The following POU2AF2 variants were observed in gnomAD, a reference collection of about 807,000 sequenced individuals.
POU2AF2 encodes the protein POU domain class 2-associating factor 2.
At chr11:111,285,684 G>T in the POU2AF2 span, 31 of 1,613,160 alleles carry the variant, frequency 1.9e-5, no homozygotes, top group Non-Finnish European at 2.5e-5. Context: ...TTGCCTGACG[G>T]TCTCAGCCAG....
chr11:111,261,160 C>A, the POU2AF2 span, among the ~76,000 whole-genome samples: 1 of 151,856 alleles, frequency 6.6e-6, no homozygotes, highest in East Asian at 1.9e-4. Flanking sequence ...AATGGTTTTT[C>A]TTTTTTCTTT....
the POU2AF2 span, among the ~76,000 whole-genome samples, chr11:111,266,010 C>T: frequency 9.6e-4 from 146 of 152,116 alleles, 1 homozygote; most frequent in Middle Eastern, 0.027. Flanking sequence ...TCAACTGCTC[C>T]CATTCTGTAG....
the POU2AF2 span, among the ~76,000 whole-genome samples, chr11:111,280,078 A>ATATC: frequency 1.5e-5 from 2 of 129,642 alleles, no homozygotes; most frequent in Admixed American, 8.2e-5. Flanking sequence ...ATATATATAT[A>ATATC]TATCTTTTGG....
the POU2AF2 span, among the ~76,000 whole-genome samples, chr11:111,247,590 A>G: frequency 6.6e-6 from 1 of 152,042 alleles, no homozygotes; most frequent in Non-Finnish European, 1.5e-5. Flanking sequence ...GATCGAAACC[A>G]TCCTGGCCAA....
the POU2AF2 span, among the ~76,000 whole-genome samples, chr11:111,280,643 C>T: frequency 6.6e-6 from 1 of 152,166 alleles, no homozygotes; most frequent in African/African-American, 2.4e-5. Context: ...TATGGCAGTG[C>T]TTGTGTTCAA....
the POU2AF2 span, among the ~76,000 whole-genome samples, chr11:111,283,125 A>C: frequency 8.1e-6 from 1 of 122,852 alleles, no homozygotes; most frequent in Admixed American, 1.0e-4. Context: ...TGCAACCTCC[A>C]CCTCCCGGGT....
chr11:111,267,141 C>T, the POU2AF2 span, among the ~76,000 whole-genome samples: 1 of 152,216 alleles, frequency 6.6e-6, no homozygotes, highest in Non-Finnish European at 1.5e-5. Context: ...GATACTCAGA[C>T]ATCTTAGAAG....
the POU2AF2 span, among the ~76,000 whole-genome samples, chr11:111,282,283 G>A: frequency 1.3e-5 from 2 of 152,038 alleles, no homozygotes; most frequent in Admixed American, 6.6e-5. Context: ...AACCTTAACC[G>A]CTCTCATAAA....
At chr11:111,276,358 G>A in the POU2AF2 span, among the ~76,000 whole-genome samples, 1 of 149,810 alleles carries the variant, frequency 6.7e-6, no homozygotes, top group Non-Finnish European at 1.5e-5. Context: ...AGCACTTTGG[G>A]AGGCCAAGGC....
chr11:111,279,673 C>A, the POU2AF2 span, among the ~76,000 whole-genome samples: 1 of 152,116 alleles, frequency 6.6e-6, no homozygotes, highest in African/African-American at 2.4e-5. Context: ...TTTAATATGA[C>A]CTCATCTTAA....
chr11:111,247,923 G>A, the POU2AF2 span, among the ~76,000 whole-genome samples: 6 of 130,950 alleles, frequency 4.6e-5, no homozygotes, highest in Admixed American at 1.8e-4. Context: ...TTGTCGCTCA[G>A]GCTGGAGTGC....
chr11:111,270,071 A>G, the POU2AF2 span, among the ~76,000 whole-genome samples: 1 of 152,242 alleles, frequency 6.6e-6, no homozygotes, highest in Admixed American at 6.5e-5. Context: ...ACAGAATAAG[A>G]GTTAAAGTGA....
At chr11:111,285,203 A>G in the POU2AF2 span, among the ~76,000 whole-genome samples, 1 of 152,118 alleles carries the variant, frequency 6.6e-6, no homozygotes, top group Non-Finnish European at 1.5e-5. Flanking sequence ...ATGAGGACAG[A>G]GTGGGCTTCT....
chr11:111,271,824 C>A, the POU2AF2 span, among the ~76,000 whole-genome samples: 40 of 152,068 alleles, frequency 2.6e-4, no homozygotes, highest in Non-Finnish European at 4.7e-4. Context: ...ACCAGCCTGC[C>A]CAACATGGTG....
chr11:111,284,027 A>C, the POU2AF2 span: 1 of 1,569,914 alleles, frequency 6.4e-7, no homozygotes, highest in South Asian at 1.2e-5. Context: ...CGAGGCCTTG[A>C]CCGCCCTGGG....
At chr11:111,247,950 C>A in the POU2AF2 span, among the ~76,000 whole-genome samples, 1 of 134,820 alleles carries the variant, frequency 7.4e-6, no homozygotes, top group African/African-American at 2.8e-5. Context: ...GTGGCGCGAT[C>A]TCCGCTCACT....
the POU2AF2 span, among the ~76,000 whole-genome samples, chr11:111,276,450 AAAAATATATAT>A: frequency 4.6e-3 from 202 of 43,612 alleles, 7 homozygotes; most frequent in African/African-American, 0.012. Flanking sequence ...AAAAAAAAAA[AAAAATATATAT>A]ATATATATAT....
the POU2AF2 span, among the ~76,000 whole-genome samples, chr11:111,262,236 T>C: frequency 6.6e-6 from 1 of 152,230 alleles, no homozygotes; most frequent in African/African-American, 2.4e-5. Context: ...TAGTACGTAT[T>C]TGATGGGAAA....
the POU2AF2 span, among the ~76,000 whole-genome samples, chr11:111,283,058 C>CTTT: frequency 2.3e-3 from 272 of 118,400 alleles, 10 homozygotes; most frequent in East Asian, 7.1e-3. Context: ...AAACTTTTTA[C>CTTT]TTTTTTTTTT....
Sources: gnomAD v4.1 joint callset for allele counts (sites outside exome capture counted in the v4.1 genomes callset) on GRCh38, gnomAD v4.1.1 for gene constraint, MANE v1.5 for transcripts, NCBI Gene and HGNC (gene_info 2026-07-23, HGNC 2026-07-21) for gene names.